Variants in STS observed in about 807,000 individuals in gnomAD.
STS encodes the protein steryl-sulfatase.
A neutral mutation model predicts 26.8 loss-of-function variants in STS; 7 were observed. The observed-to-expected ratio is 0.26, with a 90% CI of 0.15 to 0.49. STS has a LOEUF of 0.49. STS is among the 20% of genes least tolerant of loss of function. The pLI, the probability that STS is intolerant of heterozygous loss-of-function variation, is 0.98. For synonymous variants in STS, 199 were observed against 189.4 expected, an observed-to-expected ratio of 1.05 and a Z score of -0.42; for missense variants, 434 against 465.6, an observed-to-expected ratio of 0.93 and a Z score of 0.63.
At chrX:7,327,107 T>A (rs1927514674) in intron 9 of STS, among the ~76,000 whole-genome samples, 1 of 112,014 alleles carries the variant, frequency 8.9e-6, no homozygotes. Context: ...GGCACCAAAG[T>A]ACTCCAAGCT....
intron 7 of STS, among the ~76,000 whole-genome samples, chrX:7,288,639 CGTGTGTGTGTGTGTGTGTGTGT>C (rs58375124): frequency 1.1e-5 from 1 of 89,559 alleles, no homozygotes; most frequent in Admixed American, 1.3e-4. Context: ...AAATTCTGTA[CGTGTGTGTGTGTGTGTGTGTGT>C]GTGTGTGTGT....
chrX:7,310,322 A>G (rs138789219), intron 8 of STS, among the ~76,000 whole-genome samples: 107 of 112,239 alleles, frequency 9.5e-4, no homozygotes, highest in Non-Finnish European at 1.8e-3. Context: ...CTTGAAACTA[A>G]TAGAGGATTT....
chrX:7,230,592 G>T (rs751772557), intron 2 of STS, among the ~76,000 whole-genome samples: 3 of 112,100 alleles, frequency 2.7e-5, no homozygotes, highest in Admixed American at 9.5e-5. Context: ...TCACAGTTCC[G>T]CATGGCTGGG....
At chrX:7,326,721 C>T (rs765867570) in intron 9 of STS, among the ~76,000 whole-genome samples, 4 of 112,152 alleles carry the variant, frequency 3.6e-5, no homozygotes, top group Non-Finnish European at 7.5e-5. Flanking sequence ...ACAGACCAGG[C>T]GAATGTCACG....
rs1601748152 is a variant in STS, at chrX:7,325,504, C to T, written c.1241+6C>T. The T allele has an allele frequency of 8.3e-7, 1 of 1,210,628 alleles. No individual in the cohort carries two copies. On this transcript the variant is annotated splice_donor_region_variant and intron_variant, in intron 9 of 10. Transcript: ENST00000674429. ...GCTCCCTTGCCTGAGGACAGGTACTCTGATGCCAGGGTGGTTGGTATTGTT... is the reference window on the plus strand; with the variant it reads ...GCTCCCTTGCCTGAGGACAGGTACTTTGATGCCAGGGTGGTTGGTATTGTT...
At chrX:7,285,074 G>A (rs1158461803) in intron 7 of STS, among the ~76,000 whole-genome samples, 1 of 110,675 alleles carries the variant, frequency 9.0e-6, no homozygotes, top group Non-Finnish European at 1.9e-5. Flanking sequence ...GGTGAAGATG[G>A]TGATAATGAT....
intron 1 of STS, among the ~76,000 whole-genome samples, chrX:7,169,668 C>T (rs1300753301): frequency 2.7e-5 from 3 of 111,999 alleles, no homozygotes; most frequent in African/African-American, 9.7e-5. Context: ...CAATTCTCAC[C>T]TTTGATTGAA....
intron 7 of STS, among the ~76,000 whole-genome samples, chrX:7,286,129 GTGTGTGTGTGTATGTA>G (rs1479011096): frequency 5.4e-5 from 6 of 111,401 alleles, no homozygotes; most frequent in African/African-American, 2.0e-4. Context: ...TAGGTTATCT[GTGTGTGTGTGTATGTA>G]TGTGTGTGTT....
chrX:7,199,160 C>T (rs375914269), intron 2 of STS, among the ~76,000 whole-genome samples: 2 of 111,431 alleles, frequency 1.8e-5, no homozygotes, highest in East Asian at 2.8e-4. Flanking sequence ...ATTTTAGGAG[C>T]GAGCCTGCAA....
chrX:7,235,545 G>A (rs1300048304), intron 2 of STS, among the ~76,000 whole-genome samples: 1 of 111,803 alleles, frequency 8.9e-6, no homozygotes, highest in African/African-American at 3.3e-5. Flanking sequence ...GGCTAAAGTG[G>A]GAGAATCATG....
intron 2 of STS, among the ~76,000 whole-genome samples, chrX:7,208,225 T>C (rs1920964333): frequency 8.9e-6 from 1 of 112,464 alleles, no homozygotes; most frequent in African/African-American, 3.2e-5. Context: ...CTTTATACTT[T>C]ATTTTTTAAA....
intron 2 of STS, among the ~76,000 whole-genome samples, chrX:7,232,388 T>G (rs1185201548): frequency 2.7e-5 from 3 of 112,033 alleles, no homozygotes; most frequent in African/African-American, 9.7e-5. Flanking sequence ...TTTATTTTTT[T>G]TAACCACCTT....
At chrX:7,264,665 G>A (rs1377069431) in intron 6 of STS, among the ~76,000 whole-genome samples, 3 of 111,957 alleles carry the variant, frequency 2.7e-5, no homozygotes, top group Admixed American at 9.5e-5. Flanking sequence ...TGAACTCTAG[G>A]GACTGTCACA....
chrX:7,250,154 CT>C (rs1923069514), intron 2 of STS, among the ~76,000 whole-genome samples: 1 of 110,556 alleles, frequency 9.0e-6, no homozygotes, highest in African/African-American at 3.3e-5. Context: ...TCTCCAACTC[CT>C]GAGCTCCCCC....
intron 6 of STS, among the ~76,000 whole-genome samples, chrX:7,275,548 A>G (rs1489718208): frequency 1.8e-5 from 2 of 111,884 alleles, no homozygotes; most frequent in African/African-American, 6.5e-5. Flanking sequence ...GTATTTGTGT[A>G]TAAATTTTTT....
chrX:7,320,406 T>C (rs950455506), intron 8 of STS, among the ~76,000 whole-genome samples: 1 of 110,278 alleles, frequency 9.1e-6, no homozygotes, highest in African/African-American at 3.3e-5. Flanking sequence ...AAGATTAACT[T>C]TTAGAGGGTG....
chrX:7,281,328 T>C (rs1268543582), intron 7 of STS, among the ~76,000 whole-genome samples: 3 of 112,177 alleles, frequency 2.7e-5, no homozygotes, highest in African/African-American at 6.5e-5. Context: ...GTCGTTCAGT[T>C]GCTCAGGATT....
intron 2 of STS, among the ~76,000 whole-genome samples, chrX:7,236,592 A>G (rs1170818890): frequency 1.8e-5 from 2 of 112,168 alleles, no homozygotes; most frequent in Non-Finnish European, 3.8e-5. Flanking sequence ...TAATAAATGC[A>G]AACAATGCAT....
At chrX:7,273,070 A>G (rs1292656230) in intron 6 of STS, among the ~76,000 whole-genome samples, 1 of 111,453 alleles carries the variant, frequency 9.0e-6, no homozygotes, top group African/African-American at 3.3e-5. Context: ...CAATTGCTTG[A>G]ACCCAGGAGG....
Sources: gnomAD v4.1 joint callset for allele counts (sites outside exome capture counted in the v4.1 genomes callset) on GRCh38, gnomAD v4.1.1 for gene constraint, MANE v1.5 for transcripts, NCBI Gene and HGNC (gene_info 2026-07-23, HGNC 2026-07-21) for gene names.